The following EFCAB11 variants were observed in gnomAD, a reference collection of about 807,000 sequenced individuals.
EFCAB11 encodes EF-hand calcium-binding domain-containing protein 11.
In EFCAB11, 14 loss-of-function variants were observed where a neutral mutation model predicts 23.0. The ratio of observed to expected loss-of-function variants is 0.61; its 90% CI spans 0.40 to 0.95. The LOEUF (loss-of-function observed/expected upper bound fraction) is 0.95. Ranked by LOEUF, EFCAB11 falls within the 40% of genes least tolerant of loss-of-function variation. EFCAB11 has a pLI of 0.00. For synonymous variants in EFCAB11, 65 were observed against 66.6 expected (o/e 0.98, Z 0.11); for missense variants, 198 against 195.8 (o/e 1.01, Z -0.07).
At chr14:89,921,020 G>A (rs549258582) in intron 5 of EFCAB11, among the ~76,000 whole-genome samples, 4 of 146,966 alleles carry the variant, frequency 2.7e-5, no homozygotes, top group East Asian at 2.0e-4. Context: ...AGCCGAGGTC[G>A]CGCCACTGAA....
rs1890431064 is a variant in EFCAB11, at chr14:89,932,610, A to G, written c.235T>C (p.Phe79Leu). The G allele has an allele frequency of 6.2e-7, 1 of 1,613,288 alleles. No individual in the cohort carries two copies. Among genetic ancestry groups the G allele is most frequent in the South Asian group, 1.1e-5 (1 of 91,068 alleles). The change falls in exon 4 of 6, where the codon TTT becomes CTT. Residue 79 changes from phenylalanine to leucine, a missense_variant. Physicochemically the swap from Phe to Leu is conservative, Grantham distance 22 (BLOSUM62 0). Transcript: ENST00000316738. ...TTCTTTTTCCTGACAATATTTAAAA[A>G]CCCCTCGAGTAATATACCTAAAAGT... ...PNTSGILLEG[F>L]LNIVRKKKEA... is the part of the protein sequence containing the mutation.
intron 3 of EFCAB11, among the ~76,000 whole-genome samples, chr14:89,932,879 C>CT (rs1419240749): frequency 6.6e-6 from 1 of 152,144 alleles, no homozygotes; most frequent in Non-Finnish European, 1.5e-5. Flanking sequence ...GTTCACTGAG[C>CT]TTTTTCCAGG....
At chr14:89,797,939 G>GA (rs1006317209) in intron 5 of EFCAB11, among the ~76,000 whole-genome samples, 17 of 149,376 alleles carry the variant, frequency 1.1e-4, no homozygotes, top group Admixed American at 2.7e-4. Flanking sequence ...TCTCAATTAA[G>GA]AAAAAAAAAA....
chr14:89,878,492 TA>T (rs1181874003), intron 5 of EFCAB11, among the ~76,000 whole-genome samples: 1 of 152,030 alleles, frequency 6.6e-6, no homozygotes, highest in African/African-American at 2.4e-5. Flanking sequence ...AACAAGAAAA[TA>T]AAAGATGAAA....
intron 5 of EFCAB11, among the ~76,000 whole-genome samples, chr14:89,809,102 C>T (rs1488018735): frequency 6.6e-6 from 1 of 152,150 alleles, no homozygotes; most frequent in African/African-American, 2.4e-5. Flanking sequence ...ATATGACATC[C>T]TCATTCCCCG....
At chr14:89,908,529 G>A (rs1889565963) in intron 5 of EFCAB11, among the ~76,000 whole-genome samples, 1 of 152,188 alleles carries the variant, frequency 6.6e-6, no homozygotes, top group Non-Finnish European at 1.5e-5. Flanking sequence ...CAGGCTTTGT[G>A]TATAAGGTAT....
chr14:89,809,680 G>C (rs1886087410), intron 5 of EFCAB11, among the ~76,000 whole-genome samples: 1 of 152,206 alleles, frequency 6.6e-6, no homozygotes, highest in African/African-American at 2.4e-5. Flanking sequence ...ACAAAACTAA[G>C]TGAATTTATG....
Position 89,860,331 on chromosome 14 carries a change from T to C in EFCAB11, c.411-63007A>G, listed in dbSNP as rs187312745. ...GTGAGCCGAGATCGCACCATTGCAC[T>C]CCAGCCTGGGCGACAAGAGTGAAAA... On this transcript the variant is annotated intron_variant, in intron 5 of 5. Coordinates refer to ENST00000316738, the MANE Select transcript of EFCAB11 (RefSeq NM_145231.4). 2.8e-4 allele frequency among the ~76,000 whole-genome samples: 42 copies of C among 152,164 alleles called. No individual in the cohort carries two copies. The East Asian group carries it at 6.8e-3, about 25-fold the overall frequency.
intron 5 of EFCAB11, among the ~76,000 whole-genome samples, chr14:89,929,057 A>G (rs1177577422): frequency 9.0e-6 from 1 of 111,474 alleles, no homozygotes; most frequent in South Asian, 3.8e-4. Context: ...ACACACACAT[A>G]TTTTTTTTTA....
chr14:89,853,247 A>G (rs1260400992), intron 5 of EFCAB11, among the ~76,000 whole-genome samples: 1 of 152,220 alleles, frequency 6.6e-6, no homozygotes, highest in Non-Finnish European at 1.5e-5. Flanking sequence ...TACTAGAGAG[A>G]AGCCAGTTAC....
chr14:89,825,102 CAAAA>C (rs35074143), intron 5 of EFCAB11, among the ~76,000 whole-genome samples: 3 of 60,224 alleles, frequency 5.0e-5, no homozygotes, highest in Non-Finnish European at 7.1e-5. Flanking sequence ...ATGCTGGGAC[CAAAA>C]AAAAAAAAAA....
intron 5 of EFCAB11, among the ~76,000 whole-genome samples, chr14:89,870,813 C>T (rs1005787640): frequency 2.5e-4 from 38 of 149,564 alleles, no homozygotes; most frequent in Admixed American, 1.2e-3. Flanking sequence ...TGGTGGTGGG[C>T]GCCTGTAGTC....
At chr14:89,899,168 C>T (rs1889265938) in intron 5 of EFCAB11, among the ~76,000 whole-genome samples, 1 of 152,164 alleles carries the variant, frequency 6.6e-6, no homozygotes, top group Non-Finnish European at 1.5e-5. Context: ...TGGTAGGTCA[C>T]ACTTGTTTTA....
intron 5 of EFCAB11, among the ~76,000 whole-genome samples, chr14:89,856,178 T>TTC (rs372108958): frequency 2.7e-4 from 38 of 143,124 alleles, no homozygotes; most frequent in Admixed American, 1.2e-3. Flanking sequence ...TATTTTTAAT[T>TTC]TCTCTCTCTC....
At chr14:89,803,097 A>T (rs1031404224) in intron 5 of EFCAB11, among the ~76,000 whole-genome samples, 2 of 152,190 alleles carry the variant, frequency 1.3e-5, no homozygotes, top group East Asian at 3.8e-4. Context: ...TGACAGCCAA[A>T]AATGTCTCCA....
intron 5 of EFCAB11, among the ~76,000 whole-genome samples, chr14:89,913,400 T>C (rs1889742179): frequency 1.3e-5 from 2 of 152,216 alleles, no homozygotes; most frequent in Admixed American, 1.3e-4. Context: ...AGACCTGAGT[T>C]TTGATCCAGG....
intron 5 of EFCAB11, among the ~76,000 whole-genome samples, chr14:89,828,043 A>T (rs1886759869): frequency 6.6e-6 from 1 of 152,206 alleles, no homozygotes; most frequent in South Asian, 2.1e-4. Context: ...TATCTGGAAT[A>T]CAGGACTTTG....
chr14:89,906,470 C>A (rs188504922), intron 5 of EFCAB11, among the ~76,000 whole-genome samples: 2 of 152,260 alleles, frequency 1.3e-5, no homozygotes, highest in Admixed American at 1.3e-4. Flanking sequence ...TTCATTACTG[C>A]AACTCATTGA....
intron 5 of EFCAB11, among the ~76,000 whole-genome samples, chr14:89,858,656 ATTT>A (rs10648464): frequency 5.6e-5 from 5 of 88,988 alleles, no homozygotes; most frequent in Admixed American, 1.6e-4. Context: ...CACCCAGCTA[ATTT>A]TTTTTTTTTT....
Sources: allele counts gnomAD v4.1 joint callset (sites outside exome capture counted in the v4.1 genomes callset), GRCh38; gene constraint gnomAD v4.1.1; transcripts MANE v1.5; gene names NCBI Gene and HGNC (gene_info 2026-07-23, HGNC 2026-07-21).